ZNF783: variants seen among roughly 807,000 people sequenced by gnomAD.
ZNF783 encodes the protein protein ZNF783.
A neutral mutation model predicts 31.3 loss-of-function variants in ZNF783; 25 were observed. That is an observed-to-expected ratio of 0.80 (90% confidence interval 0.58 to 1.11). The LOEUF is 1.11. Among genes scored for constraint, ZNF783 ranks in the 50% most tolerant of loss-of-function variants. ZNF783 has a pLI of 0.00. For synonymous variants in ZNF783, 369 were observed against 319.1 expected (o/e 1.16, Z -1.66); for missense variants, 797 against 760.0 (o/e 1.05, Z -0.57).
intron 4 of ZNF783, chr7:149,277,742 A>AG: frequency 6.6e-6 from 1 of 151,144 alleles, no homozygotes; most frequent in African/African-American, 2.4e-5. Context: ...CCGCCTCAAA[A>AG]AAAAAAAAAA....
At chr7:149,267,537 C>G (rs185665853) in intron 4 of ZNF783, among the ~76,000 whole-genome samples, 218 of 152,332 alleles carry the variant, frequency 1.4e-3, no homozygotes, top group African/African-American at 5.0e-3. Context: ...GTGGCTCACG[C>G]CTGTAATCCC....
At position 149,265,386 on chromosome 7, in the gene ZNF783, A is replaced by G. The variant is rs141529583; in HGVS notation, c.25-949A>G. 2.2e-3 allele frequency among the ~76,000 whole-genome samples: 328 copies of G among 152,294 alleles called. 1 individual carries two copies. The highest frequency in any genetic ancestry group is 3.9e-3 in the Non-Finnish European group (263 of 68,018). Reference sequence around the variant, plus strand: ...AAAGGCCATATGAACTATTTATACCATATCCCTGAGCTGGAACCATCACCA... The same window carrying G: ...AAAGGCCATATGAACTATTTATACCGTATCCCTGAGCTGGAACCATCACCA... On this transcript the variant is annotated intron_variant, in intron 1 of 5. Transcript: ENST00000434415.
intron 4 of ZNF783, among the ~76,000 whole-genome samples, chr7:149,274,865 G>A (rs1797291189): frequency 6.6e-6 from 1 of 152,102 alleles, no homozygotes; most frequent in South Asian, 2.1e-4. Flanking sequence ...TGCTTAGGAT[G>A]CCTTTGGCTA....
intron 4 of ZNF783, among the ~76,000 whole-genome samples, chr7:149,274,016 G>A (rs182834846): frequency 2.1e-4 from 32 of 152,252 alleles, no homozygotes; most frequent in Admixed American, 1.4e-3. Context: ...TTCCCGTTCT[G>A]TGGGGTGTCT....
Position 149,273,125 on chromosome 7 carries a change from C to T in ZNF783, c.674-5274C>T, listed in dbSNP as rs549811005. On this transcript the variant is annotated intron_variant, in intron 4 of 5. Coordinates refer to ENST00000434415, the MANE Select transcript of ZNF783 (RefSeq NM_001195220.2). ...AGTATTACTCTATTGTGTATATGTA[C>T]CACCTTTTCTCTGTCCATTTGTCTG... is the stretch of plus-strand genomic sequence containing the variant. 2.0e-5 allele frequency among the ~76,000 whole-genome samples: 3 copies of T among 151,694 alleles called. No homozygotes were observed. The South Asian group carries it at 6.2e-4, about 31-fold the overall frequency.
In ZNF783 at chr7:149,282,175, G is replaced by T; in HGVS notation, c.1473G>T (p.Glu491Asp). Residue 491 changes from glutamate (E) to aspartate (D), a missense_variant, in exon 6 of 6, where the codon GAG becomes GAT. Glu to Asp is a conservative substitution (Grantham distance 45). Coordinates refer to ENST00000434415, the MANE Select transcript of ZNF783 (RefSeq NM_001195220.2). ...LFRHQRIHTG[E>D]RPYQCPQCGR... ...GGCACCAGCGCATCCACACCGGTGA[G>T]CGGCCCTACCAGTGCCCCCAGTGTG... The T allele has an allele frequency of 6.2e-7, 1 of 1,601,044 alleles. No individual in the cohort carries two copies.
chr7:149,281,768 C>T lies in ZNF783; in HGVS notation c.1066C>T (p.Gln356Ter). The stretch of plus-strand genomic sequence containing the variant: ...GGCATTCCCCTGCCCCGACTGCGGG[C>T]AGAGCTTCCGCCTGAAGATCAATCT... ...QRAFPCPDCG[Q>*]SFRLKINLTI... The change falls in exon 6 of 6, where the codon CAG (glutamine) becomes TAG (stop). Residue 356 changes from glutamine (Q) to a stop codon, truncating the protein, a stop_gained. Coordinates refer to ENST00000434415, the MANE Select transcript of ZNF783 (RefSeq NM_001195220.2). LOFTEE classifies it low-confidence loss of function (END_TRUNC). 6.7e-7 allele frequency: 1 copy of T among 1,501,510 alleles called. No homozygotes were observed. Among genetic ancestry groups the T allele is most frequent in the Non-Finnish European group, 8.8e-7 (1 of 1,134,246 alleles). 93.0% of individuals were successfully genotyped at this position (1,501,510 alleles called of 1,614,324 possible). A position where few individuals can be genotyped will look rare whatever the true frequency, so the allele number is the denominator to read the frequency against.
Position 149,274,781 on chromosome 7 carries a change from A to T in ZNF783, c.674-3618A>T, listed in dbSNP as rs78423605. On this transcript the variant is annotated intron_variant, in intron 4 of 5. Coordinates refer to ENST00000434415, the MANE Select transcript of ZNF783 (RefSeq NM_001195220.2). ...ATTTGTCTTTTTTTATGCCATTACCATGCTGTTTTGATTACCGTAGATCTG... is the reference window on the plus strand; with the variant it reads ...ATTTGTCTTTTTTTATGCCATTACCTTGCTGTTTTGATTACCGTAGATCTG... 3.6e-3 allele frequency among the ~76,000 whole-genome samples: 549 copies of T among 152,220 alleles called. 6 individuals are homozygous for T. The highest frequency in any genetic ancestry group is 0.013 in the African/African-American group (525 of 41,534).
intron 1 of ZNF783, among the ~76,000 whole-genome samples, chr7:149,264,905 C>T (rs1358551779): frequency 7.1e-6 from 1 of 141,566 alleles, no homozygotes; most frequent in South Asian, 2.4e-4. Context: ...TTAACAATTA[C>T]TCTGTGGAAA....
At position 149,282,559 on chromosome 7, in the gene ZNF783, C is replaced by T. The variant is rs1350668492; in HGVS notation, c.*216C>T. 2 of 533,868 alleles carry T rather than the reference C, an allele frequency of 3.7e-6. No homozygotes were observed. Among genetic ancestry groups the T allele is most frequent in the East Asian group, 3.2e-5 (1 of 31,152 alleles). The allele number at this position is 533,868 out of a possible 1,614,324, so 33.1% of individuals were successfully genotyped here. ...CTGCATTCCTGACTTCTAAAAGATG[C>T]CTTAAGGCTTAAGGGATGCCATATT... On this transcript the variant is annotated 3_prime_UTR_variant, in exon 6 of 6. Transcript: ENST00000434415.
chr7:149,267,909 C>T (rs1797120978), intron 4 of ZNF783, among the ~76,000 whole-genome samples: 1 of 152,182 alleles, frequency 6.6e-6, no homozygotes, highest in Non-Finnish European at 1.5e-5. Context: ...ATTGCAGTCC[C>T]ACAACCCCAG....
intron 1 of ZNF783, among the ~76,000 whole-genome samples, chr7:149,263,315 TATATATATA>T (rs1563192919): frequency 2.1e-3 from 295 of 143,584 alleles, no homozygotes; most frequent in African/African-American, 7.3e-3. Flanking sequence ...TATATATATA[TATATATATA>T]TTTTTTTTTT....
At position 149,281,361 on chromosome 7, in the gene ZNF783, C is replaced by T. The variant is rs1049184244; in HGVS notation, c.803-144C>T. ...AAGGCAGTGCCTGTGTGGCAGGGCTCAGTGAGCAGGACCCCTGCAATGTGC... is the reference window on the plus strand; with the variant it reads ...AAGGCAGTGCCTGTGTGGCAGGGCTTAGTGAGCAGGACCCCTGCAATGTGC... On this transcript the variant is annotated intron_variant, in intron 5 of 5. Coordinates refer to ENST00000434415, the MANE Select transcript of ZNF783 (RefSeq NM_001195220.2). 29 of 571,988 alleles carry T rather than the reference C, an allele frequency of 5.1e-5. No individual in the cohort carries two copies. The East Asian group carries it at 6.9e-4, about 14-fold the overall frequency. 35.4% of individuals were successfully genotyped at this position (571,988 alleles called of 1,614,324 possible). A position where few individuals can be genotyped will look rare whatever the true frequency, so the allele number is the denominator to read the frequency against.
chr7:149,281,740 G>A lies in ZNF783; in HGVS notation c.1038G>A (p.Gln346=), dbSNP rs1797473630. ...ETPRVLSRRR[Q]RAFPCPDCGQ... is the part of the protein sequence containing the mutation. The stretch of plus-strand genomic sequence containing the variant: ...CCCGAGTCCTCTCCCGCAGGCGGCA[G>A]CGGGCATTCCCCTGCCCCGACTGCG... The change falls in exon 6 of 6, where the codon CAG becomes CAA. Residue 346 remains glutamine, a synonymous_variant. Coordinates refer to ENST00000434415, the MANE Select transcript of ZNF783 (RefSeq NM_001195220.2). 1.4e-6 allele frequency: 2 copies of A among 1,479,704 alleles called. No homozygotes were observed. Among genetic ancestry groups the A allele is most frequent in the Non-Finnish European group, 1.8e-6 (2 of 1,124,166 alleles). The allele number at this position is 1,479,704 out of a possible 1,614,324, so 91.7% of individuals were successfully genotyped here. A position where few individuals can be genotyped will look rare whatever the true frequency, so the allele number is the denominator to read the frequency against.
Position 149,266,737 on chromosome 7 carries a change from C to T in ZNF783, c.420+7C>T. ...CAAGGGGGAGGCCCCCAAGGTAGCA[C>T]CGGGACACCCTGGGGTGGGGGAGCT... On this transcript the variant is annotated splice_region_variant and intron_variant, in intron 2 of 5. Transcript: ENST00000434415. The T allele has an allele frequency of 6.2e-7, 1 of 1,613,570 alleles. No homozygotes were observed. The highest frequency in any genetic ancestry group is 1.3e-5 in the African/African-American group (1 of 75,036).
Position 149,270,971 on chromosome 7 carries a change from G to A in ZNF783, c.673+3749G>A, listed in dbSNP as rs530103637. Among the ~76,000 whole-genome samples, 34 of 152,010 alleles carry A rather than the reference G, an allele frequency of 2.2e-4. No homozygotes were observed. The South Asian group carries it at 4.4e-3, about 19-fold the overall frequency. On this transcript the variant is annotated intron_variant, in intron 4 of 5. Coordinates refer to ENST00000434415, the MANE Select transcript of ZNF783 (RefSeq NM_001195220.2). ...GTTCTTTGGTTTTTTTTCTTGAGAC[G>A]GAGCCTCGCTCTGTCGCCCAGGCTG...
In ZNF783 at chr7:149,282,963, T is replaced by TG. The variant is rs1356728330; in HGVS notation, c.*620_*621insG. The TG allele has an allele frequency of 3.8e-5, 5 of 130,736 alleles. No individual in the cohort carries two copies. Among genetic ancestry groups the TG allele is most frequent in the African/African-American group, 1.5e-4 (5 of 33,146 alleles). 8.1% of individuals were successfully genotyped at this position (130,736 alleles called of 1,614,324 possible). A position where few individuals can be genotyped will look rare whatever the true frequency, so the allele number is the denominator to read the frequency against. ...CCAGCCTGTGGGTCTTTTGGTTTTT[T>TG]TTTTGTTGTTGTTGTTGTTTTTTTA... On this transcript the variant is annotated 3_prime_UTR_variant, in exon 6 of 6. Coordinates refer to ENST00000434415, the MANE Select transcript of ZNF783 (RefSeq NM_001195220.2).
At position 149,284,629 on chromosome 7, in the gene ZNF783, G is replaced by A. The variant is rs1238043500; in HGVS notation, c.*2286G>A. ...GAATTTTGCCGACTTTCTGGGCTTG[G>A]TTGGCTAATGCCAAATGCCCCTGCT... On this transcript the variant is annotated 3_prime_UTR_variant, in exon 6 of 6. Transcript: ENST00000434415. The A allele has an allele frequency of 2.0e-5, 3 of 152,262 alleles. No homozygotes were observed. The highest frequency in any genetic ancestry group is 1.9e-4 in the East Asian group (1 of 5,200). The allele number at this position is 152,262 out of a possible 1,614,324, so 9.4% of individuals were successfully genotyped here.
chr7:149,270,647 C>T (rs1057304407), intron 4 of ZNF783, among the ~76,000 whole-genome samples: 4 of 152,186 alleles, frequency 2.6e-5, no homozygotes, highest in Non-Finnish European at 5.9e-5. Context: ...CCATCTTTAG[C>T]TAGTGGGAGC....
Sources: allele counts gnomAD v4.1 joint callset (sites outside exome capture counted in the v4.1 genomes callset), GRCh38; gene constraint gnomAD v4.1.1; transcripts MANE v1.5; gene names NCBI Gene and HGNC (gene_info 2026-07-23, HGNC 2026-07-21).